GRIA1: variants seen among roughly 807,000 people sequenced by gnomAD.
The protein encoded by GRIA1 is glutamate ionotropic receptor AMPA type subunit 1, also known as glutamate receptor 1.
A neutral mutation model predicts 99.2 loss-of-function variants in GRIA1; 31 were observed. The observed-to-expected ratio is 0.31, with a 90% CI of 0.23 to 0.42. The LOEUF (loss-of-function observed/expected upper bound fraction) is 0.42. Among genes scored for constraint, GRIA1 ranks in the 10% least tolerant of loss-of-function variants. GRIA1 has a pLI of 1.00. For missense variants in GRIA1, 782 were observed against 1,157.5 expected, an observed-to-expected ratio of 0.68 and a Z score of 4.71; for synonymous variants, 438 against 432.4, an observed-to-expected ratio of 1.01 and a Z score of -0.16.
Position 153,764,498 on chromosome 5 carries a change from T to C in GRIA1, c.1888T>C (p.Tyr630His). The change falls in exon 12 of 16, where the codon TAT becomes CAT. Residue 630 changes from tyrosine (Y) to histidine (H), a missense_variant. Tyr to His is a moderately conservative substitution (Grantham distance 83, BLOSUM62 2). Coordinates refer to ENST00000285900, the MANE Select transcript of GRIA1 (RefSeq NM_000827.4). ...WFFTLIIISS[Y>H]TANLAAFLTV... ...CTTCACCTTAATCATCATCTCCTCA[T>C]ATACAGCCAATCTGGCCGCCTTCCT... 1 of 1,613,922 alleles carries C rather than the reference T, an allele frequency of 6.2e-7. No individual in the cohort carries two copies. Among genetic ancestry groups the C allele is most frequent in the Non-Finnish European group, 8.5e-7 (1 of 1,179,826 alleles).
At chr5:153,727,539 C>A (rs1246879452) in intron 11 of GRIA1, among the ~76,000 whole-genome samples, 3 of 152,310 alleles carry the variant, frequency 2.0e-5, no homozygotes, top group South Asian at 2.1e-4. Context: ...TCAGCAAAGT[C>A]TCAGGATACA....
At chr5:153,656,593 G>T (rs1251269163) in intron 5 of GRIA1, among the ~76,000 whole-genome samples, 1 of 151,406 alleles carries the variant, frequency 6.6e-6, no homozygotes, top group African/African-American at 2.4e-5. Context: ...GTCATGTTTT[G>T]TACCTCCAGC....
chr5:153,686,986 C>T lies in GRIA1; in HGVS notation c.1134+657C>T, dbSNP rs1757384642. Among the ~76,000 whole-genome samples the T allele has an allele frequency of 2.6e-5, 4 of 152,092 alleles. No homozygotes were observed. The South Asian group carries it at 8.3e-4, about 32-fold the overall frequency. On this transcript the variant is annotated intron_variant, in intron 8 of 15. Transcript: ENST00000285900. ...TTCACCTCCCTGAATACACCATGTT[C>T]TTTCTCATCATTGAGCCTTCATACA...
intron 2 of GRIA1, among the ~76,000 whole-genome samples, chr5:153,625,177 C>T (rs1767477212): frequency 6.6e-6 from 1 of 152,128 alleles, no homozygotes; most frequent in Non-Finnish European, 1.5e-5. Flanking sequence ...GCTCTTTCTG[C>T]CTCAGGTGTG....
At chr5:153,509,717 T>C (rs1012229562) in intron 2 of GRIA1, among the ~76,000 whole-genome samples, 2 of 152,224 alleles carry the variant, frequency 1.3e-5, no homozygotes, top group African/African-American at 4.8e-5. Context: ...TTTTTATTTA[T>C]AAAGTGGCAG....
intron 11 of GRIA1, among the ~76,000 whole-genome samples, chr5:153,724,110 A>G (rs1175270162): frequency 6.6e-6 from 1 of 152,198 alleles, no homozygotes; most frequent in Non-Finnish European, 1.5e-5. Context: ...TTCTGCAGCC[A>G]CCGCTGCTGT....
chr5:153,790,340 A>G (rs1444041653), intron 13 of GRIA1, among the ~76,000 whole-genome samples: 2 of 152,208 alleles, frequency 1.3e-5, no homozygotes, highest in Non-Finnish European at 1.5e-5. Flanking sequence ...AGCATTCTTA[A>G]TAAGTCACTA....
At chr5:153,731,383 C>A (rs1581558630) in intron 11 of GRIA1, among the ~76,000 whole-genome samples, 1 of 151,994 alleles carries the variant, frequency 6.6e-6, no homozygotes, top group African/African-American at 2.4e-5. Flanking sequence ...TATACTCCTT[C>A]TTCACAATTC....
chr5:153,771,702 G>A (rs1763894664), intron 13 of GRIA1, among the ~76,000 whole-genome samples: 1 of 152,058 alleles, frequency 6.6e-6, no homozygotes, highest in African/African-American at 2.4e-5. Flanking sequence ...ATAACAAATA[G>A]CCTTTTAAGT....
intron 2 of GRIA1, among the ~76,000 whole-genome samples, chr5:153,621,970 T>C (rs767142024): frequency 1.1e-4 from 17 of 152,306 alleles, no homozygotes; most frequent in Non-Finnish European, 1.8e-4. Flanking sequence ...ATGGAGATCA[T>C]CACCATTCTA....
In GRIA1 at chr5:153,674,631, C is replaced by T; in HGVS notation, c.831C>T (p.Asp277=). Residue 277 remains aspartate (D), a synonymous_variant, in exon 6 of 16, where the codon GAC becomes GAT. Coordinates refer to ENST00000285900, the MANE Select transcript of GRIA1 (RefSeq NM_000827.4). The part of the protein sequence containing the change: ...MQQWKNSDAR[D]HTRVDWKRPK... The stretch of plus-strand genomic sequence containing the variant: ...AGTGGAAGAATAGTGATGCTCGAGA[C>T]CACACACGGGTGGACTGGAAGAGAC... The T allele has an allele frequency of 6.2e-7, 1 of 1,614,088 alleles. No individual in the cohort carries two copies. The highest frequency in any genetic ancestry group is 1.7e-4 in the Middle Eastern group (1 of 6,060).
chr5:153,697,499 T>G (rs554963299), intron 8 of GRIA1, among the ~76,000 whole-genome samples: 1 of 152,348 alleles, frequency 6.6e-6, no homozygotes, highest in South Asian at 2.1e-4. Flanking sequence ...TATTCAATAT[T>G]GTAATAGTTT....
chr5:153,754,490 CAATT>C (rs1762696199), intron 11 of GRIA1, among the ~76,000 whole-genome samples: 1 of 152,092 alleles, frequency 6.6e-6, no homozygotes, highest in Non-Finnish European at 1.5e-5. Context: ...AGAAAAATGT[CAATT>C]AAAAGAGAAC....
intron 2 of GRIA1, among the ~76,000 whole-genome samples, chr5:153,640,177 G>A (rs771009764): frequency 7.2e-5 from 11 of 152,260 alleles, no homozygotes; most frequent in South Asian, 4.1e-4. Flanking sequence ...TCTTAGCCTC[G>A]TATGCAGTAC....
chr5:153,759,082 G>A (rs1309221530), intron 11 of GRIA1, among the ~76,000 whole-genome samples: 3 of 151,092 alleles, frequency 2.0e-5, no homozygotes, highest in Non-Finnish European at 3.0e-5. Flanking sequence ...ATGAGATACA[G>A]CAAGAGGAAA....
At chr5:153,793,057 G>GC (rs1765401717) in intron 13 of GRIA1, among the ~76,000 whole-genome samples, 1 of 152,174 alleles carries the variant, frequency 6.6e-6, no homozygotes, top group Admixed American at 6.5e-5. Flanking sequence ...AAAAGGTAAC[G>GC]GTTATAGTAA....
rs572690967 is a variant in GRIA1 at position 153,528,834 on chromosome 5, C to A, written c.220+34769C>A. Among the ~76,000 whole-genome samples, 175 of 152,330 alleles carry A rather than the reference C, an allele frequency of 1.1e-3. 2 individuals carry two copies. Among genetic ancestry groups the A allele is most frequent in the Admixed American group, 2.0e-3 (31 of 15,304 alleles). On this transcript the variant is annotated intron_variant, in intron 2 of 15. Transcript: ENST00000285900. ...CCTTCTGTCTTCAGGCATTGTCTCA[C>A]TGGTCCCTGGCCCAGTCTGTCAATC...
At chr5:153,585,523 G>A (rs1368327711) in intron 2 of GRIA1, among the ~76,000 whole-genome samples, 1 of 151,886 alleles carries the variant, frequency 6.6e-6, no homozygotes, top group Non-Finnish European at 1.5e-5. Flanking sequence ...TGGTCAGGCT[G>A]GTCGTGAAAT....
intron 2 of GRIA1, among the ~76,000 whole-genome samples, chr5:153,556,027 C>A (rs1001910584): frequency 6.6e-6 from 1 of 152,192 alleles, no homozygotes; most frequent in Admixed American, 6.5e-5. Context: ...CCTATTGAAC[C>A]ATCATGCCAA....
Sources: gnomAD v4.1 joint callset for allele counts (sites outside exome capture counted in the v4.1 genomes callset) on GRCh38, gnomAD v4.1.1 for gene constraint, MANE v1.5 for transcripts, NCBI Gene and HGNC (gene_info 2026-07-23, HGNC 2026-07-21) for gene names.